The following STON1 variants were observed in gnomAD, a reference collection of about 807,000 sequenced individuals.
STON1 encodes stonin-1.
Under a neutral mutation model 60.9 loss-of-function variants are expected in STON1, and 79 were observed. The observed-to-expected ratio is 1.30, with a 90% CI of 1.08 to 1.56. STON1 has a LOEUF of 1.56. Among genes scored for constraint, STON1 ranks in the 40% most tolerant of loss-of-function variants. The probability of loss-of-function intolerance (pLI) is 0.00; values close to 1 mark genes in which losing one functional copy is unlikely to be tolerated. For missense variants in STON1, 1,166 were observed against 858.9 expected (o/e 1.36, Z -4.47); for synonymous variants, 363 against 306.9 (o/e 1.18, Z -1.91).
At chr2:48,535,563 A>C (rs902528973) in intron 1 of STON1, among the ~76,000 whole-genome samples, 1 of 152,138 alleles carries the variant, frequency 6.6e-6, no homozygotes, top group Non-Finnish European at 1.5e-5. Flanking sequence ...GAAGGCTTTC[A>C]GCTGGGCGCA....
chr2:48,565,592 G>A (rs565041550), intron 1 of STON1, among the ~76,000 whole-genome samples: 1 of 152,262 alleles, frequency 6.6e-6, no homozygotes, highest in East Asian at 1.9e-4. Context: ...ATACAGGCAT[G>A]GTCATAAGTT....
intron 1 of STON1, among the ~76,000 whole-genome samples, chr2:48,546,060 G>C (rs1414947191): frequency 1.3e-5 from 2 of 152,154 alleles, no homozygotes; most frequent in Non-Finnish European, 2.9e-5. Context: ...GAGTTGTCAG[G>C]TTTCAACCCT....
chr2:48,542,461 A>G (rs2103759311), intron 1 of STON1, among the ~76,000 whole-genome samples: 1 of 152,262 alleles, frequency 6.6e-6, no homozygotes, highest in Admixed American at 6.5e-5. Context: ...AACAAAATCC[A>G]CCTCAAAAGG....
intron 1 of STON1, among the ~76,000 whole-genome samples, chr2:48,578,702 C>G (rs1673692744): frequency 2.6e-5 from 4 of 151,040 alleles, no homozygotes. Flanking sequence ...AATTCTCCTG[C>G]CCACCACCAT....
chr2:48,581,782 C>T lies in STON1; in HGVS notation c.1149C>T (p.Tyr383=). 1 of 1,613,970 alleles carries T rather than the reference C, an allele frequency of 6.2e-7. No individual in the cohort carries two copies. ...EQMLKLGSTS[Y]HDFLDFLTTV... The stretch of plus-strand genomic sequence containing the variant: ...TGCTGAAGTTGGGGTCCACATCGTA[C>T]CATGACTTCCTTGACTTTCTGACTA... Residue 383 remains tyrosine (Y), a synonymous_variant, in exon 2 of 4, where the codon TAC becomes TAT. Coordinates refer to ENST00000404752, the MANE Select transcript of STON1 (RefSeq NM_006873.4).
At chr2:48,535,334 A>G (rs1671380976) in intron 1 of STON1, among the ~76,000 whole-genome samples, 1 of 152,152 alleles carries the variant, frequency 6.6e-6, no homozygotes, top group African/African-American at 2.4e-5. Flanking sequence ...TGCATTGGTG[A>G]GTTTGACTGA....
intron 1 of STON1, among the ~76,000 whole-genome samples, chr2:48,559,045 G>A (rs78377139): frequency 0.33 from 49,510 of 151,578 alleles, 8,123 homozygotes; most frequent in East Asian, 0.39. Context: ...TGCTGAGCTG[G>A]TAAGTATAAT....
In STON1 at chr2:48,589,310, G is replaced by A. The variant is rs6741970; in HGVS notation, c.1931-2343G>A. 3.6e-3 allele frequency among the ~76,000 whole-genome samples: 547 copies of A among 152,210 alleles called. 4 individuals carry two copies. The highest frequency in any genetic ancestry group is 0.012 in the African/African-American group (500 of 41,516). Reference sequence around the variant, plus strand: ...TAAGATTTTGTGATTTACATTCCCCGTCCTAAGAAAAGGAATTATGTTGAG... The same window carrying A: ...TAAGATTTTGTGATTTACATTCCCCATCCTAAGAAAAGGAATTATGTTGAG... On this transcript the variant is annotated intron_variant, in intron 2 of 3. Coordinates refer to ENST00000404752, the MANE Select transcript of STON1 (RefSeq NM_006873.4).
At chr2:48,540,998 C>G (rs1039361542) in intron 1 of STON1, among the ~76,000 whole-genome samples, 2 of 152,180 alleles carry the variant, frequency 1.3e-5, no homozygotes, top group African/African-American at 4.8e-5. Context: ...CCCAATCCGT[C>G]ATACTGACTG....
At chr2:48,575,131 G>A (rs1000433683) in intron 1 of STON1, among the ~76,000 whole-genome samples, 1 of 152,198 alleles carries the variant, frequency 6.6e-6, no homozygotes, top group African/African-American at 2.4e-5. Flanking sequence ...CTTCTGTGAT[G>A]GGCTTACTGC....
intron 1 of STON1, among the ~76,000 whole-genome samples, chr2:48,545,482 T>C (rs928080732): frequency 2.0e-5 from 3 of 152,208 alleles, no homozygotes; most frequent in Non-Finnish European, 4.4e-5. Flanking sequence ...GCGGCTGGCT[T>C]GCTGTCTGTC....
intron 1 of STON1, among the ~76,000 whole-genome samples, chr2:48,560,251 G>C (rs776239849): frequency 6.6e-6 from 1 of 152,142 alleles, no homozygotes; most frequent in Non-Finnish European, 1.5e-5. Flanking sequence ...GAGGAAATTT[G>C]CATATTTAAA....
chr2:48,586,675 G>A (rs1674225721), intron 2 of STON1, among the ~76,000 whole-genome samples: 1 of 150,358 alleles, frequency 6.7e-6, no homozygotes, highest in South Asian at 2.1e-4. Context: ...TGTGGGCCAT[G>A]CTGTGGGGTG....
intron 1 of STON1, among the ~76,000 whole-genome samples, chr2:48,572,257 T>C (rs1158968362): frequency 6.6e-6 from 1 of 152,096 alleles, no homozygotes; most frequent in Non-Finnish European, 1.5e-5. Flanking sequence ...CCCTCGACAA[T>C]GGGGAATCAG....
intron 1 of STON1, among the ~76,000 whole-genome samples, chr2:48,571,141 C>A (rs1673189596): frequency 6.6e-6 from 1 of 152,194 alleles, no homozygotes; most frequent in Non-Finnish European, 1.5e-5. Context: ...CAGGCATGGG[C>A]CACTGTGACT....
Position 48,581,691 on chromosome 2 carries a change from C to G in STON1, c.1058C>G (p.Ser353Cys). 1 of 1,611,556 alleles carries G rather than the reference C, an allele frequency of 6.2e-7. No homozygotes were observed. The highest frequency in any genetic ancestry group is 1.7e-4 in the Middle Eastern group (1 of 6,038). The change falls in exon 2 of 4, where the codon TCT becomes TGT. Residue 353 changes from serine (S) to cysteine (C), a missense_variant. Coordinates refer to ENST00000404752, the MANE Select transcript of STON1 (RefSeq NM_006873.4). ...CACACTGTGAAGATTGAACATGTGT[C>G]TTACACAGAAAAAAGGAAATACCAT... ...KIHTVKIEHV[S>C]YTEKRKYHSK...
chr2:48,533,344 C>T (rs1671290594), intron 1 of STON1, among the ~76,000 whole-genome samples: 1 of 151,746 alleles, frequency 6.6e-6, no homozygotes, highest in African/African-American at 2.4e-5. Flanking sequence ...TGCACCACTG[C>T]ACTTCAGCCT....
chr2:48,545,122 A>G (rs1238080893), intron 1 of STON1, among the ~76,000 whole-genome samples: 3 of 152,122 alleles, frequency 2.0e-5, no homozygotes, highest in South Asian at 2.1e-4. Context: ...AGAAAAAATT[A>G]CCTTGTTTAA....
intron 1 of STON1, among the ~76,000 whole-genome samples, chr2:48,540,414 C>A (rs111325803): frequency 2.6e-5 from 4 of 152,204 alleles, no homozygotes; most frequent in African/African-American, 9.6e-5. Flanking sequence ...TTGATGCACC[C>A]AATGCCCTGG....
Sources: gnomAD v4.1 joint callset for allele counts (sites outside exome capture counted in the v4.1 genomes callset) on GRCh38, gnomAD v4.1.1 for gene constraint, MANE v1.5 for transcripts, NCBI Gene and HGNC (gene_info 2026-07-23, HGNC 2026-07-21) for gene names.